Variants in VEZT observed in about 807,000 individuals in gnomAD.
The protein encoded by VEZT is vezatin.
In VEZT, 39 loss-of-function variants were observed where a neutral mutation model predicts 79.9. The ratio of observed to expected loss-of-function variants is 0.49; its 90% CI spans 0.38 to 0.64. The LOEUF is 0.64. VEZT is among the 30% of genes least tolerant of loss of function. The pLI, the probability that VEZT is intolerant of heterozygous loss-of-function variation, is 0.00. For synonymous variants in VEZT, 325 were observed against 327.6 expected, an observed-to-expected ratio of 0.99 and a Z score of 0.09; for missense variants, 837 against 893.1, an observed-to-expected ratio of 0.94 and a Z score of 0.80.
chr12:95,284,088 A>C (rs1380940786), intron 8 of VEZT, among the ~76,000 whole-genome samples: 2 of 152,218 alleles, frequency 1.3e-5, no homozygotes, highest in Admixed American at 1.3e-4. Flanking sequence ...GAACACAAAA[A>C]AGAGGAGCTT....
intron 1 of VEZT, among the ~76,000 whole-genome samples, chr12:95,227,448 CT>C (rs200998443): frequency 0.08 from 12,097 of 150,596 alleles, 630 homozygotes; most frequent in Non-Finnish European, 0.12. Flanking sequence ...TCAAGCGATT[CT>C]CCTGCCTCAG....
chr12:95,253,248 C>T (rs937884483), intron 2 of VEZT, among the ~76,000 whole-genome samples: 12 of 152,196 alleles, frequency 7.9e-5, no homozygotes, highest in African/African-American at 2.2e-4. Context: ...GCATTTAAAA[C>T]TTTCAATTAG....
chr12:95,282,572 A>G lies in VEZT; in HGVS notation c.1256A>G (p.Lys419Arg). ...CAGTGTTTATCCAAAACTCAACAGA[A>G]GTCAAGAGAACTGAATAATGTTCAC... ...VPQCLSKTQQ[K>R]SRELNNVHTA... Residue 419 changes from lysine (K) to arginine (R), a missense_variant, in exon 8 of 12, where the codon AAG becomes AGG. Transcript: ENST00000436874. 1 of 1,614,026 alleles carries G rather than the reference A, an allele frequency of 6.2e-7. No homozygotes were observed. The highest frequency in any genetic ancestry group is 2.2e-5 in the East Asian group (1 of 44,884).
chr12:95,247,054 C>A (rs898645994), intron 1 of VEZT, among the ~76,000 whole-genome samples: 1 of 152,050 alleles, frequency 6.6e-6, no homozygotes, highest in Non-Finnish European at 1.5e-5. Flanking sequence ...CAATAGGGAG[C>A]CTCCCCTTGC....
chr12:95,240,017 AAAGAAAGGAAGGAAGGAAGGAAGGAAGG>A (rs1272436791), intron 1 of VEZT, among the ~76,000 whole-genome samples: 3 of 112,134 alleles, frequency 2.7e-5, no homozygotes, highest in South Asian at 3.5e-4. Flanking sequence ...AGAAAGAGAG[AAAGAAAGGAAGGAAGGAAGGAAGGAAGG>A]AAGGAAGGAA....
At chr12:95,220,585 CTATTTT>C (rs1275663654) in intron 1 of VEZT, among the ~76,000 whole-genome samples, 1 of 152,128 alleles carries the variant, frequency 6.6e-6, no homozygotes, top group African/African-American at 2.4e-5. Context: ...TTAATTTTGT[CTATTTT>C]TATTGTTTAG....
intron 3 of VEZT, among the ~76,000 whole-genome samples, chr12:95,260,325 T>C (rs1305920489): frequency 6.6e-6 from 1 of 152,074 alleles, no homozygotes; most frequent in African/African-American, 2.4e-5. Context: ...ATGCTGGTCT[T>C]GAACTCTTGG....
intron 9 of VEZT, among the ~76,000 whole-genome samples, chr12:95,291,773 T>TA (rs113816498): frequency 1.5e-4 from 23 of 152,330 alleles, no homozygotes; most frequent in Middle Eastern, 3.4e-3. Context: ...GGTGGGTTTT[T>TA]AAAATTTTTT....
chr12:95,266,210 A>G (rs1257309830), intron 4 of VEZT, 147 bp from the exon 5 acceptor site: 23 of 902,544 alleles, frequency 2.5e-5, no homozygotes, highest in African/African-American at 5.0e-5. Context: ...CTTAAATGTC[A>G]TATATTTTTA....
At chr12:95,247,440 A>G (rs1345809487) in intron 1 of VEZT, among the ~76,000 whole-genome samples, 1 of 152,204 alleles carries the variant, frequency 6.6e-6, no homozygotes, top group Non-Finnish European at 1.5e-5. Flanking sequence ...GATTTGCAAA[A>G]AGTGTAAAAC....
intron 8 of VEZT, among the ~76,000 whole-genome samples, chr12:95,283,511 A>G (rs867928710): frequency 1.3e-5 from 2 of 152,234 alleles, no homozygotes; most frequent in Non-Finnish European, 2.9e-5. Context: ...AAGAAGTGGA[A>G]TGGGGAAGGC....
intron 1 of VEZT, among the ~76,000 whole-genome samples, chr12:95,219,217 AT>A (rs942203818): frequency 2.0e-5 from 3 of 151,918 alleles, no homozygotes; most frequent in Non-Finnish European, 4.4e-5. Context: ...TGATGGGTGT[AT>A]TTTTTTTACC....
At position 95,295,285 on chromosome 12, in the gene VEZT, T is replaced by A. The variant is rs753439889; in HGVS notation, c.1624-766T>A. Among the ~76,000 whole-genome samples the A allele has an allele frequency of 4.9e-4, 75 of 152,226 alleles. 1 individual carries two copies. Among genetic ancestry groups the A allele is most frequent in the Non-Finnish European group, 7.9e-4 (54 of 67,984 alleles). On this transcript the variant is annotated intron_variant, in intron 10 of 11. Coordinates refer to ENST00000436874, the MANE Select transcript of VEZT (RefSeq NM_017599.4). Reference sequence around the variant, plus strand: ...AAGCGATTCTCCTGCCTCAGCCTCCTGAGTAGCTGGGATTACAGGTGCCTG... The same window carrying A: ...AAGCGATTCTCCTGCCTCAGCCTCCAGAGTAGCTGGGATTACAGGTGCCTG...
At position 95,282,428 on chromosome 12, in the gene VEZT, A is replaced by G; in HGVS notation, c.1112A>G (p.His371Arg). 1 of 1,613,952 alleles carries G rather than the reference A, an allele frequency of 6.2e-7. No homozygotes were observed. The highest frequency in any genetic ancestry group is 8.5e-7 in the Non-Finnish European group (1 of 1,179,890). ...GPLLTPALLP[H>R]RILSDVTQGL... The stretch of plus-strand genomic sequence containing the variant: ...TTACTTACTCCAGCACTTCTGCCTC[A>G]TCGTATCTTATCTGATGTGACTCAA... The change falls in exon 8 of 12, where the codon CAT becomes CGT. Residue 371 changes from histidine (H) to arginine (R), a missense_variant. Coordinates refer to ENST00000436874, the MANE Select transcript of VEZT (RefSeq NM_017599.4).
intron 10 of VEZT, among the ~76,000 whole-genome samples, chr12:95,295,255 T>G (rs2073884705): frequency 6.6e-6 from 1 of 152,120 alleles, no homozygotes; most frequent in Non-Finnish European, 1.5e-5. Flanking sequence ...CTGTTGCCCG[T>G]GTTCAAGCGA....
intron 11 of VEZT, chr12:95,299,059 A>G (rs1029302747): frequency 3.9e-5 from 6 of 154,784 alleles, no homozygotes; most frequent in African/African-American, 1.2e-4. Context: ...AAATTTCAGT[A>G]CATCTTCCAG....
chr12:95,300,191 G>C lies in VEZT; in HGVS notation c.1858G>C (p.Asp620His). The C allele has an allele frequency of 6.5e-7, 1 of 1,539,474 alleles. No homozygotes were observed. The highest frequency in any genetic ancestry group is 1.4e-5 in the African/African-American group (1 of 71,948). Residue 620 changes from aspartate to histidine, a missense_variant, in exon 12 of 12, where the codon GAC (aspartate) becomes CAC (histidine). By Grantham distance (81) the Asp-to-His change is moderately conservative (BLOSUM62 -1). Coordinates refer to ENST00000436874, the MANE Select transcript of VEZT (RefSeq NM_017599.4). ...HAVLKSLSPV[D>H]PVEPISNSEP... ...CGTGTTGAAATCCTTGTCTCCTGTA[G>C]ACCCAGTGGAACCCATAAGTAATTC... is the stretch of plus-strand genomic sequence containing the variant.
chr12:95,232,339 T>C (rs1359476199), intron 1 of VEZT, among the ~76,000 whole-genome samples: 1 of 152,230 alleles, frequency 6.6e-6, no homozygotes, highest in Non-Finnish European at 1.5e-5. Flanking sequence ...GTAATTTACA[T>C]GGTAGTATGT....
chr12:95,287,354 C>G (rs973651635), intron 8 of VEZT, among the ~76,000 whole-genome samples: 1 of 151,978 alleles, frequency 6.6e-6, no homozygotes, highest in South Asian at 2.1e-4. Flanking sequence ...GGATTTCACT[C>G]TGTCCCCCAG....
Sources: allele counts gnomAD v4.1 joint callset (sites outside exome capture counted in the v4.1 genomes callset), GRCh38; gene constraint gnomAD v4.1.1; transcripts MANE v1.5; gene names NCBI Gene and HGNC (gene_info 2026-07-23, HGNC 2026-07-21).